WDR18: variants seen among roughly 807,000 people sequenced by gnomAD.
The protein encoded by WDR18 is WD repeat-containing protein 18.
Under a neutral mutation model 49.6 loss-of-function variants are expected in WDR18, and 33 were observed. That is an observed-to-expected ratio of 0.67 (90% CI 0.50 to 0.89). The LOEUF (loss-of-function observed/expected upper bound fraction) is 0.89, where lower values mean the gene tolerates loss of function less well. Among genes scored for constraint, WDR18 ranks in the 40% least tolerant of loss-of-function variants. WDR18 has a pLI of 0.00. For missense variants in WDR18, 653 were observed against 593.6 expected, an observed-to-expected ratio of 1.10 and a Z score of -1.04; for synonymous variants, 315 against 263.6, an observed-to-expected ratio of 1.19 and a Z score of -1.89.
chr19:988,406 C>T (rs1412245052), intron 2 of WDR18, among the ~76,000 whole-genome samples: 1 of 152,172 alleles, frequency 6.6e-6, no homozygotes, highest in Non-Finnish European at 1.5e-5. Flanking sequence ...CGGTCTGTCC[C>T]GGCCCTGGGC....
At chr19:985,736 C>A in intron 1 of WDR18, 129 bp from the exon 2 acceptor site, 1 of 785,592 alleles carries the variant, frequency 1.3e-6, no homozygotes, top group Non-Finnish European at 2.1e-6. Flanking sequence ...TCAAACCACC[C>A]TGCTCCCGAC....
Position 994,557 on chromosome 19 carries a change from C to T in WDR18, c.*213C>T, listed in dbSNP as rs60103115. On this transcript the variant is annotated 3_prime_UTR_variant, in exon 10 of 10. Coordinates refer to ENST00000585809, the MANE Select transcript of WDR18 (RefSeq NM_024100.4). ...TTTTTAACAAAAGAGGATGAAAAGC[C>T]CCTCCTCTCCGGCCTCCTTGTGTCC... 0.025 allele frequency: 17,222 copies of T among 687,504 alleles called. 774 individuals carry two copies. Among genetic ancestry groups the T allele is most frequent in the African/African-American group, 0.11 (6,085 of 55,252 alleles). The allele number at this position is 687,504 out of a possible 1,614,324, so 42.6% of individuals were successfully genotyped here. A position where few individuals can be genotyped will look rare whatever the true frequency, so the allele number is the denominator to read the frequency against.
At chr19:992,923 T>A (rs901921172) in intron 8 of WDR18, among the ~76,000 whole-genome samples, 5 of 152,210 alleles carry the variant, frequency 3.3e-5, no homozygotes, top group Admixed American at 6.5e-5. Context: ...GAGTACAGAT[T>A]GATTTTTTTA....
In WDR18 at chr19:991,533, GGCTTT is replaced by G. The variant is rs1321653376; in HGVS notation, c.931+186_931+190del. Among the ~76,000 whole-genome samples, 2 of 120,216 alleles carry G rather than the reference GGCTTT, an allele frequency of 1.7e-5. 1 individual carries two copies. The highest frequency in any genetic ancestry group is 6.4e-5 in the African/African-American group (2 of 31,460). 78.9% of individuals were successfully genotyped at this position (120,216 alleles called of 152,430 possible). ...GTGGACTGGCTGTGGGGCGTGGGCT[GGCTTT>G]GCTGTGGGGCGGGGCCTGGCTGGGA... is the stretch of plus-strand genomic sequence containing the variant. On this transcript the variant is annotated intron_variant, in intron 7 of 9. Transcript: ENST00000585809.
At position 993,908 on chromosome 19, in the gene WDR18, C is replaced by G. The variant is rs374719508; in HGVS notation, c.1099-112C>G. 6 of 1,200,688 alleles carry G rather than the reference C, an allele frequency of 5.0e-6. No individual in the cohort carries two copies. In the African/African-American group the frequency reaches 9.1e-5, roughly 18 times the overall value. 74.4% of individuals were successfully genotyped at this position (1,200,688 alleles called of 1,614,324 possible). The stretch of plus-strand genomic sequence containing the variant: ...TCTTCCCTTCTGTCTGTGGGCGTCA[C>G]GGTGGCCCCTCCCTGGCTGAGTGGC... On this transcript the variant is annotated intron_variant, in intron 8 of 9. Transcript: ENST00000585809.
In WDR18 at chr19:994,438, G is replaced by C. The variant is rs2038605605; in HGVS notation, c.*94G>C. Reference sequence around the variant, plus strand: ...GTGTGGCCCCCACCAGCCCAGGCCTGGACTCTCCTCAGTTCTGTGTCGTGT... The same window carrying C: ...GTGTGGCCCCCACCAGCCCAGGCCTCGACTCTCCTCAGTTCTGTGTCGTGT... On this transcript the variant is annotated 3_prime_UTR_variant, in exon 10 of 10. Transcript: ENST00000585809. 1.3e-6 allele frequency: 2 copies of C among 1,495,518 alleles called. No homozygotes were observed. The highest frequency in any genetic ancestry group is 4.2e-5 in the Admixed American group (2 of 48,074). The allele number at this position is 1,495,518 out of a possible 1,614,324, so 92.6% of individuals were successfully genotyped here. A position where few individuals can be genotyped will look rare whatever the true frequency, so the allele number is the denominator to read the frequency against.
rs762945774 is a variant in WDR18, at chr19:990,919, C to T, written c.665C>T (p.Thr222Ile). ...VLFDVSIMAV[T>I]MDLAEHHMFC... ...TTTGACGTGTCCATCATGGCAGTGA[C>T]CATGGACCTGGCTGAGCACCATATG... The change falls in exon 5 of 10, where the codon ACC becomes ATC. Residue 222 changes from threonine (T) to isoleucine (I), a missense_variant. Transcript: ENST00000585809. 2.2e-5 allele frequency: 35 copies of T among 1,612,682 alleles called. No individual in the cohort carries two copies. Among genetic ancestry groups the T allele is most frequent in the Non-Finnish European group, 2.6e-5 (31 of 1,179,908 alleles).
rs776215977 is a variant in WDR18 at position 984,477 on chromosome 19, C to T, written c.124C>T (p.Arg42Cys). The T allele has an allele frequency of 1.9e-6, 3 of 1,575,088 alleles. No homozygotes were observed. The South Asian group carries it at 3.5e-5, about 18-fold the overall frequency. ...LTYRGGQAGP[R>C]GLALLNGEYL... is the part of the protein sequence containing the mutation. ...CTACCGCGGCGGCCAGGCGGGACCC[C>T]GCGGCCTGGCGCTGCTCAATGGCGA... Residue 42 changes from arginine (R) to cysteine (C), a missense_variant, in exon 1 of 10, where the codon CGC becomes TGC. Transcript: ENST00000585809.
Position 991,067 on chromosome 19 carries a change from C to T in WDR18, c.742-14C>T, listed in dbSNP as rs2038538919. 6.2e-7 allele frequency: 1 copy of T among 1,603,616 alleles called. No individual in the cohort carries two copies. The highest frequency in any genetic ancestry group is 1.3e-5 in the African/African-American group (1 of 74,820). ...CATCGGGCCTGCGGCTCACACACGT[C>T]TCGGCCTTCGCAGCCCGGACAGAGG... is the stretch of plus-strand genomic sequence containing the variant. On this transcript the variant is annotated splice_polypyrimidine_tract_variant and intron_variant, in intron 5 of 9. Coordinates refer to ENST00000585809, the MANE Select transcript of WDR18 (RefSeq NM_024100.4).
intron 3 of WDR18, 137 bp downstream of exon 3, chr19:990,032 G>C: frequency 1.4e-6 from 2 of 1,427,722 alleles, no homozygotes; most frequent in Non-Finnish European, 1.8e-6. Flanking sequence ...ATCATCCCAG[G>C]GGTCCTGGCT....
intron 1 of WDR18, among the ~76,000 whole-genome samples, chr19:985,207 T>G (rs4806886): frequency 1.3e-5 from 2 of 152,012 alleles, no homozygotes; most frequent in African/African-American, 4.8e-5. Context: ...ACTCTGTCGC[T>G]GAGGCTGGAG....
chr19:989,686 G>C (rs2038518726), intron 2 of WDR18, 76 bp from the exon 3 acceptor site: 10 of 1,585,290 alleles, frequency 6.3e-6, no homozygotes, highest in Admixed American at 1.7e-5. Context: ...GCAGTGGTGG[G>C]TTCCTGGGGC....
intron 4 of WDR18, 174 bp from the exon 5 acceptor site, chr19:990,678 G>A: frequency 9.8e-7 from 1 of 1,024,218 alleles, no homozygotes; most frequent in Non-Finnish European, 1.4e-6. Context: ...CTCCATTTCA[G>A]CACAGGCCAT....
At chr19:990,531 C>A in intron 4 of WDR18, 167 bp downstream of exon 4, 1 of 1,063,406 alleles carries the variant, frequency 9.4e-7, no homozygotes, top group Non-Finnish European at 1.3e-6. Context: ...GGTCTGCCAG[C>A]CTGGAAATTC....
intron 8 of WDR18, among the ~76,000 whole-genome samples, chr19:993,313 G>A (rs2240153): frequency 0.84 from 127,331 of 152,304 alleles, 53,422 homozygotes; most frequent in Middle Eastern, 0.93. Context: ...GCCCAGCCAA[G>A]CGCTCTCCCT....
chr19:991,169 G>A (rs2038540543), intron 6 of WDR18, 24 bp downstream of exon 6: 1 of 1,548,634 alleles, frequency 6.5e-7, no homozygotes, highest in Non-Finnish European at 8.7e-7. Context: ...AACGGGGCGG[G>A]GGCTCCCAGG....
rs553784162 is a variant in WDR18, at chr19:989,538, G to C, written c.322-224G>C. 2.0e-5 allele frequency among the ~76,000 whole-genome samples: 3 copies of C among 152,288 alleles called. No individual in the cohort carries two copies. The South Asian group carries it at 6.2e-4, about 32-fold the overall frequency. ...CCTGGGCCATCATGCAGGTGGGGAC[G>C]AGGCGGGAACAGGTGCCCACCCAGC... On this transcript the variant is annotated intron_variant, in intron 2 of 9. Transcript: ENST00000585809.
chr19:990,573 T>G, intron 4 of WDR18: 3 of 873,534 alleles, frequency 3.4e-6, no homozygotes, highest in Non-Finnish European at 5.0e-6. Context: ...CCCGGCTCCC[T>G]GGCCAAGCCT....
chr19:990,301 G>A lies in WDR18; in HGVS notation c.534G>A (p.Leu178=). The part of the protein sequence containing the change: ...WSHHALPITD[L]HCGFGGPLAR... ...ACCACGCGCTCCCCATCACGGACCT[G>A]CACTGCGGCTTTGGGGGCCCCCTGG... Residue 178 remains leucine, a synonymous_variant, in exon 4 of 10, where the codon CTG becomes CTA. Transcript: ENST00000585809. The A allele has an allele frequency of 6.3e-7, 1 of 1,598,274 alleles. No individual in the cohort carries two copies.
Sources: allele counts gnomAD v4.1 joint callset (sites outside exome capture counted in the v4.1 genomes callset), GRCh38; gene constraint gnomAD v4.1.1; transcripts MANE v1.5; gene names NCBI Gene and HGNC (gene_info 2026-07-23, HGNC 2026-07-21).